The following ZNF709 variants were observed in gnomAD, a reference collection of about 807,000 sequenced individuals.
ZNF709 encodes the protein zinc finger protein 709.
In ZNF709, 15 loss-of-function variants were observed where a neutral mutation model predicts 10.6. The ratio of observed to expected loss-of-function variants is 1.41; its 90% confidence interval spans 0.95 to 2.18. The LOEUF (loss-of-function observed/expected upper bound fraction) is 2.18, where lower values mean the gene tolerates loss of function less well. ZNF709 is among the 30% of genes most tolerant of loss of function. ZNF709 has a pLI of 0.00. For synonymous variants in ZNF709, 194 were observed against 238.8 expected (o/e 0.81, Z 1.73); for missense variants, 589 against 774.0 (o/e 0.76, Z 2.84).
intron 1 of ZNF709, among the ~76,000 whole-genome samples, chr19:12,480,997 T>TA (rs1756152684): frequency 6.6e-6 from 1 of 151,492 alleles, no homozygotes; most frequent in South Asian, 2.1e-4. Context: ...TTGCCCACGC[T>TA]AGTCTCAAAC....
intron 1 of ZNF709, among the ~76,000 whole-genome samples, chr19:12,471,523 C>A (rs1970634503): frequency 6.6e-6 from 1 of 152,142 alleles, no homozygotes; most frequent in Non-Finnish European, 1.5e-5. Flanking sequence ...TGGGTAAAGT[C>A]TTTTGAAGAG....
At chr19:12,473,705 T>C (rs1970653866) in intron 1 of ZNF709, among the ~76,000 whole-genome samples, 2 of 152,202 alleles carry the variant, frequency 1.3e-5, no homozygotes, top group African/African-American at 2.4e-5. Flanking sequence ...TATTACTATT[T>C]GTGTGTCTCT....
At position 12,483,315 on chromosome 19, in the gene ZNF709, T is replaced by C. The variant is rs1338255783; in HGVS notation, c.3+1340A>G. ...GCCATTACGCCCAGCTAATTTTTTTTTTTTTTTTTTTTTTTTCTAGTAGAG... is the reference window on the plus strand; with the variant it reads ...GCCATTACGCCCAGCTAATTTTTTTCTTTTTTTTTTTTTTTTCTAGTAGAG... On this transcript the variant is annotated intron_variant, in intron 1 of 3. Coordinates refer to ENST00000397732, the MANE Select transcript of ZNF709 (RefSeq NM_152601.4). Among the ~76,000 whole-genome samples, 3 of 111,902 alleles carry C rather than the reference T, an allele frequency of 2.7e-5. No homozygotes were observed. The East Asian group carries it at 6.0e-4, about 22-fold the overall frequency. 73.4% of individuals were successfully genotyped at this position (111,902 alleles called of 152,430 possible).
At position 12,461,783 on chromosome 19, in the gene ZNF709, C is replaced by T. The variant is rs1970518061; in HGVS notation, c.*2213G>A. 1 of 151,982 alleles carries T rather than the reference C, an allele frequency of 6.6e-6. No individual in the cohort carries two copies. Among genetic ancestry groups the T allele is most frequent in the Non-Finnish European group, 1.5e-5 (1 of 67,972 alleles). 9.4% of individuals were successfully genotyped at this position (151,982 alleles called of 1,614,324 possible). A position where few individuals can be genotyped will look rare whatever the true frequency, so the allele number is the denominator to read the frequency against. ...AACTACATCTTTGAAAATATGGCAG[C>T]TGGGGCCATGCACAGTGGCTCACGC... On this transcript the variant is annotated 3_prime_UTR_variant, in exon 4 of 4. Transcript: ENST00000397732.
chr19:12,469,635 G>A (rs1257936420), intron 1 of ZNF709, among the ~76,000 whole-genome samples: 1 of 152,064 alleles, frequency 6.6e-6, no homozygotes, highest in African/African-American at 2.4e-5. Flanking sequence ...TGGGTGTGGT[G>A]GTGGGCGCCT....
intron 1 of ZNF709, among the ~76,000 whole-genome samples, chr19:12,467,688 G>A (rs35017653): frequency 0.26 from 39,993 of 151,384 alleles, 5,482 homozygotes; most frequent in South Asian, 0.37. Flanking sequence ...TCACATCTAG[G>A]AAGTGAGGAG....
chr19:12,470,754 C>T (rs1344987420), intron 1 of ZNF709, among the ~76,000 whole-genome samples: 1 of 151,944 alleles, frequency 6.6e-6, no homozygotes, highest in Non-Finnish European at 1.5e-5. Flanking sequence ...AGTGAAACCC[C>T]GTCTGTACTG....
chr19:12,480,450 G>A (rs1462684843), intron 1 of ZNF709, among the ~76,000 whole-genome samples: 2 of 152,120 alleles, frequency 1.3e-5, no homozygotes, highest in South Asian at 2.1e-4. Flanking sequence ...TTGGGAGGCC[G>A]AGGCGGGTGG....
At position 12,466,494 on chromosome 19, in the gene ZNF709, A is replaced by C. The variant is rs1336461551; in HGVS notation, c.156T>G (p.Ile52Met). The change falls in exon 3 of 4, where the codon ATT (isoleucine) becomes ATG (methionine). Residue 52 changes from isoleucine to methionine, a missense_variant. Coordinates refer to ENST00000397732, the MANE Select transcript of ZNF709 (RefSeq NM_152601.4). ...SIGENWEEKN[I>M]EDHKNQGRKL... ...TTCTCCCCTGATTTTTGTGATCTTC[A>C]ATGTTCTTCTCCTCCCAGTTTTCCC... The C allele has an allele frequency of 6.2e-6, 10 of 1,613,912 alleles. No individual in the cohort carries two copies. Among genetic ancestry groups the C allele is most frequent in the Non-Finnish European group, 8.5e-6 (10 of 1,180,016 alleles).
chr19:12,472,972 G>A (rs1970646589), intron 1 of ZNF709, among the ~76,000 whole-genome samples: 1 of 152,060 alleles, frequency 6.6e-6, no homozygotes. Flanking sequence ...ATATTAGAAG[G>A]ACAAAAATCA....
chr19:12,470,228 A>G (rs562297470), intron 1 of ZNF709, among the ~76,000 whole-genome samples: 54 of 152,276 alleles, frequency 3.5e-4, no homozygotes, highest in African/African-American at 1.2e-3. Flanking sequence ...TTTGAAAAAG[A>G]TCATTAACCT....
At position 12,465,202 on chromosome 19, in the gene ZNF709, T is replaced by A; in HGVS notation, c.720A>T (p.Arg240=). ...GKTFSHPSSF[R]NHERTHSGEK... ...CTCCAGAGTGAGTTCTTTCATGATT[T>A]CGAAAAGAACTGGGATGACTGAACG... Residue 240 remains arginine, a synonymous_variant, in exon 4 of 4, where the codon CGA becomes CGT. Transcript: ENST00000397732. 6.2e-7 allele frequency: 1 copy of A among 1,613,132 alleles called. No individual in the cohort carries two copies. The highest frequency in any genetic ancestry group is 1.7e-5 in the Admixed American group (1 of 59,970).
Position 12,463,908 on chromosome 19 carries a change from C to T in ZNF709, c.*88G>A, listed in dbSNP as rs1970537810. 5.2e-6 allele frequency: 6 copies of T among 1,154,782 alleles called. No homozygotes were observed. The highest frequency in any genetic ancestry group is 2.5e-5 in the South Asian group (1 of 40,598). 71.5% of individuals were successfully genotyped at this position (1,154,782 alleles called of 1,614,324 possible). On this transcript the variant is annotated 3_prime_UTR_variant, in exon 4 of 4. Transcript: ENST00000397732. The stretch of plus-strand genomic sequence containing the variant: ...CTCTACTGCACTCCAGCCAGGGCAA[C>T]AGAGTGAGAATTCAACTCAAAAAAA...
At chr19:12,470,252 T>C (rs1453533248) in intron 1 of ZNF709, among the ~76,000 whole-genome samples, 2 of 152,290 alleles carry the variant, frequency 1.3e-5, no homozygotes, top group Admixed American at 6.5e-5. Context: ...GATGTCCATA[T>C]GCAAAGGACA....
In ZNF709 at chr19:12,464,955, A is replaced by C; in HGVS notation, c.967T>G (p.Phe323Val). ...GTATGAATTCTTTCATGTTTTCTAA[A>C]GGAACTAGGAAAACTGAAGGCTTTC... ...CGKAFSFPSSFRKHERIHTGE... is the reference protein window; with the variant it reads ...CGKAFSFPSSVRKHERIHTGE... Residue 323 changes from phenylalanine (F) to valine (V), a missense_variant, in exon 4 of 4, where the codon TTT becomes GTT. By Grantham distance (50) the Phe-to-Val change is conservative (BLOSUM62 -1). Coordinates refer to ENST00000397732, the MANE Select transcript of ZNF709 (RefSeq NM_152601.4). 6.2e-7 allele frequency: 1 copy of C among 1,604,424 alleles called. No individual in the cohort carries two copies. The highest frequency in any genetic ancestry group is 8.5e-7 in the Non-Finnish European group (1 of 1,176,874).
intron 1 of ZNF709, among the ~76,000 whole-genome samples, chr19:12,468,525 TA>T (rs1272486437): frequency 6.6e-6 from 1 of 151,508 alleles, no homozygotes; most frequent in Non-Finnish European, 1.5e-5. Context: ...CACCACTCCC[TA>T]ATCTCAAGTA....
intron 1 of ZNF709, among the ~76,000 whole-genome samples, chr19:12,480,525 T>C (rs1160721716): frequency 2.0e-5 from 3 of 151,830 alleles, no homozygotes; most frequent in Non-Finnish European, 4.4e-5. Flanking sequence ...CTACTAAAAA[T>C]ACAAAAAATT....
chr19:12,472,656 G>A (rs1377307538), intron 1 of ZNF709, among the ~76,000 whole-genome samples: 1 of 152,170 alleles, frequency 6.6e-6, no homozygotes, highest in African/African-American at 2.4e-5. Context: ...GTCGAGGCGA[G>A]CAGATCACTT....
chr19:12,483,711 A>T (rs1281346965), intron 1 of ZNF709, among the ~76,000 whole-genome samples: 2 of 151,696 alleles, frequency 1.3e-5, no homozygotes, highest in Non-Finnish European at 2.9e-5. Context: ...CTAATTTTTT[A>T]TATTTTTAGT....
Sources: gnomAD v4.1 joint callset for allele counts (sites outside exome capture counted in the v4.1 genomes callset) on GRCh38, gnomAD v4.1.1 for gene constraint, MANE v1.5 for transcripts, NCBI Gene and HGNC (gene_info 2026-07-23, HGNC 2026-07-21) for gene names.